The following GNG4 variants were observed in gnomAD, a reference collection of about 807,000 sequenced individuals.
The protein encoded by GNG4 is guanine nucleotide-binding protein G(I)/G(S)/G(O) subunit gamma-4.
GNG4 carries 4 observed loss-of-function variants against 5.8 expected under a neutral mutation model. The observed-to-expected ratio is 0.69, with a 90% confidence interval of 0.34 to 1.57. GNG4 has a LOEUF of 1.57. Ranked by LOEUF, GNG4 falls within the 40% of genes most tolerant of loss-of-function variation. GNG4 has a pLI of 0.06. For missense variants in GNG4, 96 were observed against 95.1 expected, an observed-to-expected ratio of 1.01 and a Z score of -0.04; for synonymous variants, 29 against 32.9, an observed-to-expected ratio of 0.88 and a Z score of 0.41.
chr1:235,595,796 C>T (rs567908327), intron 1 of GNG4, among the ~76,000 whole-genome samples: 10 of 152,208 alleles, frequency 6.6e-5, no homozygotes, highest in Non-Finnish European at 1.5e-4. Flanking sequence ...CATGCCCAGT[C>T]GCTCTGCCCC....
intron 3 of GNG4, among the ~76,000 whole-genome samples, chr1:235,570,891 T>C (rs1230347186): frequency 7.3e-6 from 1 of 137,618 alleles, no homozygotes. Flanking sequence ...TATATGTATG[T>C]ATATATGTGT....
chr1:235,641,432 C>G (rs980680004), intron 1 of GNG4, among the ~76,000 whole-genome samples: 1 of 151,968 alleles, frequency 6.6e-6, no homozygotes, highest in Non-Finnish European at 1.5e-5. Flanking sequence ...GGCTCACGCC[C>G]GTAATCCCAG....
At chr1:235,605,217 G>A (rs1466600534) in intron 1 of GNG4, among the ~76,000 whole-genome samples, 1 of 149,706 alleles carries the variant, frequency 6.7e-6, no homozygotes, top group African/African-American at 2.5e-5. Context: ...TTTAAATGGA[G>A]TCTCACTGTG....
intron 3 of GNG4, among the ~76,000 whole-genome samples, chr1:235,557,135 T>C (rs1686933741): frequency 6.6e-6 from 1 of 152,030 alleles, no homozygotes; most frequent in Non-Finnish European, 1.5e-5. Flanking sequence ...GCCCGGCGGT[T>C]GGGGACCCGT....
intron 3 of GNG4, 47 bp downstream of exon 3, chr1:235,583,693 T>G: frequency 1.6e-6 from 2 of 1,248,686 alleles, no homozygotes; most frequent in Non-Finnish European, 2.3e-6. Flanking sequence ...AGGAATGTTT[T>G]GAGCTGAGCT....
At chr1:235,604,735 A>AT (rs1361949559) in intron 1 of GNG4, among the ~76,000 whole-genome samples, 1 of 152,202 alleles carries the variant, frequency 6.6e-6, no homozygotes, top group Non-Finnish European at 1.5e-5. Context: ...CACTTTCCAA[A>AT]TAAAGTCATA....
At chr1:235,596,209 T>A (rs58186840) in intron 1 of GNG4, among the ~76,000 whole-genome samples, 13 of 133,570 alleles carry the variant, frequency 9.7e-5, no homozygotes, top group Admixed American at 5.2e-4. Context: ...ACAAACAAAA[T>A]ACACACACAC....
At chr1:235,613,489 C>G (rs1241429381) in intron 1 of GNG4, among the ~76,000 whole-genome samples, 2 of 152,164 alleles carry the variant, frequency 1.3e-5, no homozygotes, top group Non-Finnish European at 2.9e-5. Context: ...TATGCAATCA[C>G]AAGGGGCCTT....
intron 3 of GNG4, among the ~76,000 whole-genome samples, chr1:235,553,058 C>T (rs1450127228): frequency 1.2e-5 from 1 of 83,042 alleles, no homozygotes; most frequent in Non-Finnish European, 2.2e-5. Context: ...CGTGCCCAGC[C>T]AGCACACATG....
At chr1:235,623,475 C>G (rs1235054070) in intron 1 of GNG4, among the ~76,000 whole-genome samples, 2 of 152,210 alleles carry the variant, frequency 1.3e-5, no homozygotes, top group Non-Finnish European at 2.9e-5. Context: ...AATCCACATG[C>G]TCTTATGTGA....
intron 3 of GNG4, among the ~76,000 whole-genome samples, chr1:235,582,603 C>G (rs1206749279): frequency 3.3e-5 from 5 of 152,206 alleles, no homozygotes; most frequent in South Asian, 4.1e-4. Flanking sequence ...ATTTGAAACC[C>G]CTTTCTATGC....
At chr1:235,607,814 G>A (rs1688393786) in intron 1 of GNG4, among the ~76,000 whole-genome samples, 1 of 152,130 alleles carries the variant, frequency 6.6e-6, no homozygotes. Context: ...GGTGTCTCCT[G>A]CCCAGCACAG....
rs77321287 is a variant in GNG4 at position 235,570,882 on chromosome 1, A to G, written c.99+12858T>C. On this transcript the variant is annotated intron_variant, in intron 3 of 3. Coordinates refer to ENST00000391854, the MANE Select transcript of GNG4 (RefSeq NM_001098722.2). ...TATATATGTGTGTGTGTGTGTGTGT[A>G]TATGTATGTATATATGTGTGTGTGT... is the stretch of plus-strand genomic sequence containing the variant. Among the ~76,000 whole-genome samples the G allele has an allele frequency of 6.0e-3, 405 of 68,036 alleles. 1 individual carries two copies. Among genetic ancestry groups the G allele is most frequent in the East Asian group, 0.023 (37 of 1,590 alleles). The allele number at this position is 68,036 out of a possible 152,430, so 44.6% of individuals were successfully genotyped here.
chr1:235,617,221 G>A (rs948511775), intron 1 of GNG4, among the ~76,000 whole-genome samples: 2 of 152,188 alleles, frequency 1.3e-5, no homozygotes, highest in Non-Finnish European at 2.9e-5. Context: ...TTCTTACAGA[G>A]AAGATGCAGG....
chr1:235,602,354 T>C (rs67736600), intron 1 of GNG4, among the ~76,000 whole-genome samples: 14,391 of 152,146 alleles, frequency 0.095, 1,109 homozygotes, highest in African/African-American at 0.21. Context: ...CAAGACAATC[T>C]GAGAAGCACA....
intron 2 of GNG4, among the ~76,000 whole-genome samples, chr1:235,592,537 G>A (rs965829367): frequency 1.3e-5 from 2 of 151,978 alleles, no homozygotes; most frequent in African/African-American, 4.8e-5. Context: ...TTCTTCCTGA[G>A]GGTCCTGGAG....
At chr1:235,592,516 A>C (rs1346044993) in intron 2 of GNG4, among the ~76,000 whole-genome samples, 1 of 152,060 alleles carries the variant, frequency 6.6e-6, no homozygotes, top group African/African-American at 2.4e-5. Flanking sequence ...TCTCTAAATA[A>C]ATAAATAAAT....
chr1:235,555,787 T>C (rs1686887055), intron 3 of GNG4, among the ~76,000 whole-genome samples: 1 of 152,132 alleles, frequency 6.6e-6, no homozygotes, highest in Non-Finnish European at 1.5e-5. Context: ...CATTATAGAA[T>C]GGCTAAATCA....
At chr1:235,618,997 T>G (rs147517171) in intron 1 of GNG4, among the ~76,000 whole-genome samples, 1 of 150,802 alleles carries the variant, frequency 6.6e-6, no homozygotes, top group Non-Finnish European at 1.5e-5. Context: ...TGTCCACTCT[T>G]AGTCATTAAA....
Sources: gnomAD v4.1 joint callset for allele counts (sites outside exome capture counted in the v4.1 genomes callset) on GRCh38, gnomAD v4.1.1 for gene constraint, MANE v1.5 for transcripts, NCBI Gene and HGNC (gene_info 2026-07-23, HGNC 2026-07-21) for gene names.